NBAS: variants seen among roughly 807,000 people sequenced by gnomAD.
NBAS encodes the protein NAG/BC035112 fusion.
A neutral mutation model predicts 302.5 loss-of-function variants in NBAS; 219 were observed. That is an observed-to-expected ratio of 0.72 (90% confidence interval 0.65 to 0.81). The LOEUF is 0.81. Among genes scored for constraint, NBAS ranks in the 30% least tolerant of loss-of-function variants. The probability of loss-of-function intolerance (pLI) is 0.00; values close to 1 mark genes in which losing one functional copy is unlikely to be tolerated. For synonymous variants in NBAS, 1,118 were observed against 1,021.6 expected (o/e 1.09, Z -1.80); for missense variants, 2,932 against 2,841.6 (o/e 1.03, Z -0.72).
At chr2:15,398,244 A>C (rs931596253) in intron 26 of NBAS, among the ~76,000 whole-genome samples, 1 of 152,072 alleles carries the variant, frequency 6.6e-6, no homozygotes, top group African/African-American at 2.4e-5. Context: ...CCTGGGCTCA[A>C]GCGATCCTCC....
chr2:14,864,091 G>C, the NBAS span, among the ~76,000 whole-genome samples: 1 of 152,146 alleles, frequency 6.6e-6, no homozygotes, highest in African/African-American at 2.4e-5. Context: ...GGGCAAGGCA[G>C]GTGGATCATG....
At chr2:15,427,635 G>T in intron 22 of NBAS, 76 bp downstream of exon 22, 1 of 1,238,820 alleles carries the variant, frequency 8.1e-7, no homozygotes, top group Non-Finnish European at 1.2e-6. Context: ...TCATTGGTCA[G>T]ACACCACTTT....
chr2:14,790,917 G>A, the NBAS span, among the ~76,000 whole-genome samples: 12 of 152,176 alleles, frequency 7.9e-5, no homozygotes, highest in African/African-American at 2.4e-4. Context: ...GTGCAATGGC[G>A]CGATCTTGGC....
chr2:14,870,275 C>T, the NBAS span, among the ~76,000 whole-genome samples: 1 of 152,108 alleles, frequency 6.6e-6, no homozygotes, highest in Non-Finnish European at 1.5e-5. Flanking sequence ...TACTCAAAAG[C>T]AGAGGGATGC....
chr2:15,493,989 C>A (rs1281650499), intron 11 of NBAS, among the ~76,000 whole-genome samples: 1 of 151,926 alleles, frequency 6.6e-6, no homozygotes, highest in East Asian at 1.9e-4. Context: ...CCACGCCGGG[C>A]TAATTTTTGT....
At chr2:14,881,117 G>A in the NBAS span, among the ~76,000 whole-genome samples, 1 of 152,012 alleles carries the variant, frequency 6.6e-6, no homozygotes, top group Middle Eastern at 3.2e-3. Context: ...TTGGATAAAG[G>A]AAATGTAGTA....
At chr2:15,344,101 T>C (rs1289419968) in intron 35 of NBAS, among the ~76,000 whole-genome samples, 1 of 150,642 alleles carries the variant, frequency 6.6e-6, no homozygotes, top group Non-Finnish European at 1.5e-5. Context: ...TAAGAAAGTA[T>C]AAGAATAGCC....
intron 51 of NBAS, among the ~76,000 whole-genome samples, chr2:15,173,083 G>C (rs1664370411): frequency 6.6e-6 from 1 of 152,204 alleles, no homozygotes; most frequent in Non-Finnish European, 1.5e-5. Flanking sequence ...TTTCTAGAAA[G>C]GGAAGGGCTT....
chr2:14,843,581 C>CACACACACACACACAA, the NBAS span, among the ~76,000 whole-genome samples: 7 of 150,382 alleles, frequency 4.7e-5, no homozygotes, highest in African/African-American at 1.7e-4. Context: ...CACACACACA[C>CACACACACACACACAA]AAAAATACCT....
chr2:15,312,132 G>A (rs1393402305), intron 38 of NBAS, among the ~76,000 whole-genome samples: 1 of 152,194 alleles, frequency 6.6e-6, no homozygotes, highest in African/African-American at 2.4e-5. Flanking sequence ...TCCTGCATCT[G>A]TTCCTCAGAT....
intron 21 of NBAS, among the ~76,000 whole-genome samples, chr2:15,433,732 A>G (rs1264005896): frequency 6.6e-6 from 1 of 152,200 alleles, no homozygotes; most frequent in African/African-American, 2.4e-5. Context: ...TTTGATTATT[A>G]TAAAGGAGAA....
the NBAS span, among the ~76,000 whole-genome samples, chr2:14,910,029 G>C: frequency 6.6e-6 from 1 of 152,178 alleles, no homozygotes; most frequent in Admixed American, 6.5e-5. Context: ...TCTCAGACCC[G>C]GTTGCCCTGG....
At chr2:14,946,314 A>G in the NBAS span, among the ~76,000 whole-genome samples, 1 of 152,168 alleles carries the variant, frequency 6.6e-6, no homozygotes, top group Non-Finnish European at 1.5e-5. Flanking sequence ...GTACAAAGAG[A>G]TGATCCTAAA....
At chr2:15,538,652 C>A (rs957318188) in intron 7 of NBAS, among the ~76,000 whole-genome samples, 2 of 152,144 alleles carry the variant, frequency 1.3e-5, no homozygotes, top group Non-Finnish European at 2.9e-5. Flanking sequence ...CTAAAAAGCA[C>A]TATATTCCTA....
chr2:14,779,397 C>T, the NBAS span, among the ~76,000 whole-genome samples: 10 of 152,278 alleles, frequency 6.6e-5, no homozygotes, highest in East Asian at 3.9e-4. Context: ...TCCTCTGCAC[C>T]GTTTGAGTGG....
At chr2:15,330,423 T>C (rs1378239438) in intron 36 of NBAS, among the ~76,000 whole-genome samples, 175 bp downstream of exon 36, 2 of 152,228 alleles carry the variant, frequency 1.3e-5, no homozygotes, top group Non-Finnish European at 2.9e-5. Flanking sequence ...CATGGGAATA[T>C]ATTACATTCT....
At chr2:14,816,070 T>C in the NBAS span, among the ~76,000 whole-genome samples, 1 of 152,220 alleles carries the variant, frequency 6.6e-6, no homozygotes, top group African/African-American at 2.4e-5. Flanking sequence ...AAAATGATTC[T>C]TCTAAAACTA....
chr2:15,473,599 C>G (rs1210697650), intron 15 of NBAS, among the ~76,000 whole-genome samples: 1 of 152,144 alleles, frequency 6.6e-6, no homozygotes, highest in Non-Finnish European at 1.5e-5. Context: ...GCGGCAAAAC[C>G]AAGACAACCA....
At chr2:15,155,310 C>T in the NBAS span, among the ~76,000 whole-genome samples, 1 of 152,128 alleles carries the variant, frequency 6.6e-6, no homozygotes, top group Non-Finnish European at 1.5e-5. Flanking sequence ...TCTTTGCTAG[C>T]TCAGTTGCCC....
Sources: allele counts gnomAD v4.1 joint callset (sites outside exome capture counted in the v4.1 genomes callset), GRCh38; gene constraint gnomAD v4.1.1; transcripts MANE v1.5; gene names NCBI Gene and HGNC (gene_info 2026-07-23, HGNC 2026-07-21).